Variants in CHCHD3 observed in about 807,000 individuals in gnomAD.
CHCHD3 encodes the protein MICOS complex subunit MIC19.
In CHCHD3, 20 loss-of-function variants were observed where a neutral mutation model predicts 38.2. That is an observed-to-expected ratio of 0.52 (90% confidence interval 0.37 to 0.76). The LOEUF is 0.76. CHCHD3 is among the 30% of genes least tolerant of loss of function. CHCHD3 has a pLI of 0.00. For missense variants in CHCHD3, 245 were observed against 279.2 expected (o/e 0.88, Z 0.87); for synonymous variants, 82 against 100.0 (o/e 0.82, Z 1.07).
intron 4 of CHCHD3, among the ~76,000 whole-genome samples, chr7:132,944,991 T>A (rs1810861893): frequency 6.6e-6 from 1 of 152,020 alleles, no homozygotes; most frequent in African/African-American, 2.4e-5. Context: ...TCTCAGCTTA[T>A]AAAAGTTTGT....
At chr7:132,796,090 AATCTGT>A (rs1168984876) in intron 7 of CHCHD3, among the ~76,000 whole-genome samples, 2 of 151,940 alleles carry the variant, frequency 1.3e-5, no homozygotes, top group African/African-American at 4.8e-5. Flanking sequence ...GCCAGCTCTT[AATCTGT>A]ATCCTCTTCG....
In CHCHD3 at chr7:132,960,136, G is replaced by A. The variant is rs866438529; in HGVS notation, c.369+15033C>T. Among the ~76,000 whole-genome samples the A allele has an allele frequency of 9.2e-5, 14 of 152,026 alleles. No homozygotes were observed. In the East Asian group the frequency reaches 1.2e-3, roughly 13 times the overall value. On this transcript the variant is annotated intron_variant, in intron 4 of 7. Transcript: ENST00000262570. ...CAGGGTGAACATATTTTAATCCACC[G>A]CATGCACTTGTACCATGTCATTTAC...
chr7:132,789,440 C>T (rs773017891), intron 7 of CHCHD3, among the ~76,000 whole-genome samples: 4 of 152,296 alleles, frequency 2.6e-5, no homozygotes, highest in Non-Finnish European at 5.9e-5. Context: ...ATTCCAGCCA[C>T]TGAAGAACAA....
intron 3 of CHCHD3, among the ~76,000 whole-genome samples, chr7:133,000,661 A>G (rs1038209940): frequency 6.6e-6 from 1 of 152,224 alleles, no homozygotes; most frequent in South Asian, 2.1e-4. Flanking sequence ...TGCAGACTAC[A>G]TCTAGAAGCC....
At chr7:132,952,950 T>G (rs1245267422) in intron 4 of CHCHD3, among the ~76,000 whole-genome samples, 1 of 152,256 alleles carries the variant, frequency 6.6e-6, no homozygotes, top group African/African-American at 2.4e-5. Flanking sequence ...ATCCATTATT[T>G]ACTTATTTCA....
rs74921823 is a variant in CHCHD3 at position 132,794,041 on chromosome 7, C to T, written c.660+2401G>A. Among the ~76,000 whole-genome samples the T allele has an allele frequency of 8.4e-3, 1,284 of 152,260 alleles. 25 individuals carry two copies. Among genetic ancestry groups the T allele is most frequent in the African/African-American group, 0.029 (1,194 of 41,538 alleles). ...AACACTGATAGAAGCTCCTTCTGGC[C>T]ACTGTGGCGTGATCTTAAAATGGGC... On this transcript the variant is annotated intron_variant, in intron 7 of 7. Coordinates refer to ENST00000262570, the MANE Select transcript of CHCHD3 (RefSeq NM_017812.4).
chr7:133,067,858 T>C (rs1039745759), intron 2 of CHCHD3, among the ~76,000 whole-genome samples: 2 of 152,242 alleles, frequency 1.3e-5, no homozygotes, highest in Non-Finnish European at 2.9e-5. Context: ...GGCTCACGCC[T>C]GTAATCCCAG....
chr7:133,006,785 C>G (rs1252592195), intron 3 of CHCHD3, among the ~76,000 whole-genome samples: 1 of 152,066 alleles, frequency 6.6e-6, no homozygotes, highest in African/African-American at 2.4e-5. Context: ...ATATCCAATG[C>G]AGAGTGTTCA....
chr7:133,049,136 G>A (rs1051361758), intron 2 of CHCHD3, among the ~76,000 whole-genome samples: 16 of 151,990 alleles, frequency 1.1e-4, no homozygotes, highest in African/African-American at 2.9e-4. Context: ...AACATAACAC[G>A]CACATACACA....
At chr7:132,887,545 T>C (rs1440405712) in intron 4 of CHCHD3, among the ~76,000 whole-genome samples, 4 of 151,222 alleles carry the variant, frequency 2.6e-5, no homozygotes, top group East Asian at 3.9e-4. Context: ...AATCCCAACA[T>C]GTAACTGGGA....
rs1375395418 is a variant in CHCHD3 at position 132,838,406 on chromosome 7, T to G, written c.517A>C (p.Lys173Gln). 3.1e-6 allele frequency: 5 copies of G among 1,607,748 alleles called. No homozygotes were observed. Among genetic ancestry groups the G allele is most frequent in the South Asian group, 2.2e-5 (2 of 90,736 alleles). ...YQKAAEEVEA[K>Q]FKRYESHPVC... is the part of the protein sequence containing the mutation. ...ATACTATTAAAAACTTACTTGAACT[T>G]TGCTTCCACCTCTTCAGCAGCTTTC... Residue 173 changes from lysine to glutamine, a missense_variant, in exon 6 of 8, where the codon AAG becomes CAG. Coordinates refer to ENST00000262570, the MANE Select transcript of CHCHD3 (RefSeq NM_017812.4).
intron 4 of CHCHD3, among the ~76,000 whole-genome samples, chr7:132,959,718 G>A (rs1234113405): frequency 3.3e-5 from 4 of 120,686 alleles, no homozygotes; most frequent in Admixed American, 2.0e-4. Context: ...GCAAAACTCC[G>A]TCTCAAAAAA....
At chr7:132,819,117 G>A (rs754782730) in intron 6 of CHCHD3, among the ~76,000 whole-genome samples, 11 of 152,170 alleles carry the variant, frequency 7.2e-5, no homozygotes, top group Non-Finnish European at 1.3e-4. Flanking sequence ...TGGGCAGATC[G>A]ATAAAGAGGA....
intron 2 of CHCHD3, among the ~76,000 whole-genome samples, chr7:133,058,027 A>G (rs1245612503): frequency 1.3e-5 from 2 of 152,184 alleles, no homozygotes; most frequent in Non-Finnish European, 2.9e-5. Context: ...ATCCCATCAG[A>G]TTCCCAGAGA....
At position 133,002,155 on chromosome 7, in the gene CHCHD3, G is replaced by A. The variant is rs550024146; in HGVS notation, c.251+22391C>T. 6.6e-5 allele frequency among the ~76,000 whole-genome samples: 10 copies of A among 152,286 alleles called. No homozygotes were observed. In the East Asian group the frequency reaches 1.9e-3, roughly 29 times the overall value. On this transcript the variant is annotated intron_variant, in intron 3 of 7. Transcript: ENST00000262570. ...CCACACTCTTAACCATCACACTCTAGTGATCTTCACTTCAAAGAGAGAAAA... is the reference window on the plus strand; with the variant it reads ...CCACACTCTTAACCATCACACTCTAATGATCTTCACTTCAAAGAGAGAAAA...
chr7:133,053,973 A>T (rs1407245284), intron 2 of CHCHD3, among the ~76,000 whole-genome samples: 1 of 152,246 alleles, frequency 6.6e-6, no homozygotes, highest in African/African-American at 2.4e-5. Flanking sequence ...TGCATTAAAC[A>T]ATTTATCTAA....
chr7:132,996,779 C>T lies in CHCHD3; in HGVS notation c.252-21493G>A, dbSNP rs117162943. Among the ~76,000 whole-genome samples the T allele has an allele frequency of 1.9e-4, 29 of 152,192 alleles. No individual in the cohort carries two copies. The East Asian group carries it at 2.7e-3, about 14-fold the overall frequency. ...GAGTGTGCTCACCAGGCTTTCGAAA[C>T]GGACCATTTACTACAGAGCAGCCTT... On this transcript the variant is annotated intron_variant, in intron 3 of 7. Transcript: ENST00000262570.
At chr7:132,957,235 G>C (rs185677112) in intron 4 of CHCHD3, among the ~76,000 whole-genome samples, 1 of 152,208 alleles carries the variant, frequency 6.6e-6, no homozygotes, top group Non-Finnish European at 1.5e-5. Context: ...TAGATAGGGT[G>C]ATTACTAAGA....
At chr7:132,921,271 A>C (rs1002409263) in intron 4 of CHCHD3, among the ~76,000 whole-genome samples, 2 of 152,200 alleles carry the variant, frequency 1.3e-5, no homozygotes, top group African/African-American at 4.8e-5. Flanking sequence ...TGATACTATA[A>C]TTTTATAAAT....
Sources: allele counts gnomAD v4.1 joint callset (sites outside exome capture counted in the v4.1 genomes callset), GRCh38; gene constraint gnomAD v4.1.1; transcripts MANE v1.5; gene names NCBI Gene and HGNC (gene_info 2026-07-23, HGNC 2026-07-21).